Variants in RORA observed in about 807,000 individuals in gnomAD.
The protein encoded by RORA is nuclear receptor ROR-alpha.
A neutral mutation model predicts 69.5 loss-of-function variants in RORA; 7 were observed. The ratio of observed to expected loss-of-function variants is 0.10; its 90% CI spans 0.06 to 0.19. RORA has a LOEUF of 0.19. RORA is among the 10% of genes least tolerant of loss of function. The pLI is 1.00. For missense variants in RORA, 457 were observed against 663.0 expected, an observed-to-expected ratio of 0.69 and a Z score of 3.41; for synonymous variants, 261 against 240.8, an observed-to-expected ratio of 1.08 and a Z score of -0.78.
intron 1 of RORA, among the ~76,000 whole-genome samples, chr15:60,740,040 C>T (rs983333950): frequency 1.3e-5 from 2 of 152,166 alleles, no homozygotes; most frequent in African/African-American, 4.8e-5. Flanking sequence ...CCTCACCTGA[C>T]TCCTCTCTTC....
chr15:61,137,352 C>A (rs923179726), intron 1 of RORA, among the ~76,000 whole-genome samples: 1 of 152,204 alleles, frequency 6.6e-6, no homozygotes, highest in East Asian at 1.9e-4. Flanking sequence ...TTCTCTCTGG[C>A]GCCCAAAGTG....
intron 1 of RORA, among the ~76,000 whole-genome samples, chr15:60,914,708 G>C (rs907831160): frequency 6.6e-6 from 1 of 152,154 alleles, no homozygotes. Context: ...AGTAATCTGT[G>C]AATGTGATAA....
chr15:60,969,102 C>G (rs766075592), intron 1 of RORA, among the ~76,000 whole-genome samples: 4 of 152,170 alleles, frequency 2.6e-5, no homozygotes, highest in Non-Finnish European at 5.9e-5. Context: ...TTACTGTACC[C>G]TATGAAGTGG....
intron 1 of RORA, among the ~76,000 whole-genome samples, chr15:61,126,783 C>T (rs1185200545): frequency 8.5e-5 from 13 of 152,184 alleles, no homozygotes; most frequent in African/African-American, 3.1e-4. Context: ...TATTGGAACT[C>T]CATGAGCCTG....
intron 1 of RORA, among the ~76,000 whole-genome samples, chr15:60,933,800 C>A (rs1388628782): frequency 6.6e-6 from 1 of 152,190 alleles, no homozygotes; most frequent in African/African-American, 2.4e-5. Context: ...TAAAAACCAG[C>A]CCAGACACAA....
chr15:60,677,850 G>A (rs551364731), intron 2 of RORA, among the ~76,000 whole-genome samples: 12 of 152,162 alleles, frequency 7.9e-5, no homozygotes, highest in Admixed American at 6.5e-4. Context: ...TAGGTAGCAC[G>A]TATCCGTGGT....
At chr15:60,630,911 G>A (rs111433657) in intron 2 of RORA, among the ~76,000 whole-genome samples, 4 of 22,566 alleles carry the variant, frequency 1.8e-4, no homozygotes, top group African/African-American at 4.0e-4. Flanking sequence ...TTTTTGAGAC[G>A]GAGTCTCGCT....
At chr15:60,960,690 C>T (rs896048396) in intron 1 of RORA, among the ~76,000 whole-genome samples, 9 of 150,410 alleles carry the variant, frequency 6.0e-5, no homozygotes, top group African/African-American at 9.8e-5. Context: ...TCCTACTGCA[C>T]GAAGTCCAAA....
chr15:60,604,643 A>G (rs2068904190), intron 2 of RORA, among the ~76,000 whole-genome samples: 1 of 152,182 alleles, frequency 6.6e-6, no homozygotes, highest in Non-Finnish European at 1.5e-5. Flanking sequence ...GCATACATAG[A>G]TGTTGAGTAA....
chr15:60,689,606 A>G (rs2070794156), intron 1 of RORA, among the ~76,000 whole-genome samples: 1 of 152,234 alleles, frequency 6.6e-6, no homozygotes, highest in Non-Finnish European at 1.5e-5. Flanking sequence ...CTTTATAGAT[A>G]TAATTAAGAT....
intron 1 of RORA, among the ~76,000 whole-genome samples, chr15:61,138,712 C>A (rs1422205957): frequency 6.6e-6 from 1 of 151,790 alleles, no homozygotes; most frequent in Non-Finnish European, 1.5e-5. Flanking sequence ...CTGTGCCCCT[C>A]GGGACATCAA....
chr15:61,120,167 T>C (rs1250948509), intron 1 of RORA, among the ~76,000 whole-genome samples: 2 of 152,164 alleles, frequency 1.3e-5, no homozygotes, highest in Non-Finnish European at 2.9e-5. Flanking sequence ...TATATTTTGA[T>C]ATGGGTGGTG....
chr15:60,567,729 C>G (rs980001691), intron 2 of RORA, among the ~76,000 whole-genome samples: 9 of 152,142 alleles, frequency 5.9e-5, no homozygotes, highest in African/African-American at 2.2e-4. Context: ...CTTTTATTAG[C>G]AAGAATAATT....
chr15:60,649,649 C>T (rs1396861374), intron 2 of RORA, among the ~76,000 whole-genome samples: 2 of 152,178 alleles, frequency 1.3e-5, no homozygotes, highest in African/African-American at 2.4e-5. Context: ...GATCTGATCA[C>T]TTGTGACTGC....
At chr15:61,130,809 C>T (rs11634887) in intron 1 of RORA, among the ~76,000 whole-genome samples, 25,233 of 152,064 alleles carry the variant, frequency 0.17, 2,668 homozygotes, top group East Asian at 0.45. Flanking sequence ...AACTTTTCTG[C>T]ACATTTCAAA....
intron 2 of RORA, among the ~76,000 whole-genome samples, chr15:60,611,679 C>T (rs2069095999): frequency 6.7e-6 from 1 of 150,236 alleles, no homozygotes; most frequent in Admixed American, 6.7e-5. Context: ...GGGCTCCTTT[C>T]CTCTGACAGC....
chr15:60,985,535 T>A (rs1894172212), intron 1 of RORA, among the ~76,000 whole-genome samples: 2 of 151,508 alleles, frequency 1.3e-5, no homozygotes, highest in African/African-American at 2.4e-5. Flanking sequence ...GGTATATTTT[T>A]CTCACATACG....
chr15:60,805,333 A>G (rs1053411243), intron 1 of RORA, among the ~76,000 whole-genome samples: 6 of 152,236 alleles, frequency 3.9e-5, no homozygotes, highest in African/African-American at 1.2e-4. Flanking sequence ...AAGTCATAGG[A>G]AAGACAGAGA....
intron 1 of RORA, among the ~76,000 whole-genome samples, chr15:61,078,826 C>A (rs930169915): frequency 6.6e-6 from 1 of 152,144 alleles, no homozygotes; most frequent in African/African-American, 2.4e-5. Flanking sequence ...TACCTGCCTA[C>A]CTATCTCATG....
Sources: allele counts gnomAD v4.1 joint callset (sites outside exome capture counted in the v4.1 genomes callset), GRCh38; gene constraint gnomAD v4.1.1; transcripts MANE v1.5; gene names NCBI Gene and HGNC (gene_info 2026-07-23, HGNC 2026-07-21).